TMC1: variants seen among roughly 807,000 people sequenced by gnomAD.
TMC1 encodes transmembrane channel-like protein 1.
TMC1 carries 84 observed loss-of-function variants against 105.8 expected under a neutral mutation model. That is an observed-to-expected ratio of 0.79 (90% CI 0.67 to 0.95). The LOEUF (loss-of-function observed/expected upper bound fraction) is 0.95, where lower values mean the gene tolerates loss of function less well. Ranked by LOEUF, TMC1 falls within the 40% of genes least tolerant of loss-of-function variation. The pLI is 0.00. For missense variants in TMC1, 817 were observed against 914.1 expected, an observed-to-expected ratio of 0.89 and a Z score of 1.37; for synonymous variants, 315 against 311.5, an observed-to-expected ratio of 1.01 and a Z score of -0.12.
At chr9:72,601,183 C>CACAG (rs1356282468) in intron 2 of TMC1, among the ~76,000 whole-genome samples, 1 of 124,076 alleles carries the variant, frequency 8.1e-6, no homozygotes, top group African/African-American at 3.4e-5. Context: ...CACACACACA[C>CACAG]ACACACACAC....
intron 8 of TMC1, among the ~76,000 whole-genome samples, chr9:72,724,715 A>G (rs889339778): frequency 2.6e-4 from 39 of 152,176 alleles, no homozygotes; most frequent in African/African-American, 9.4e-4. Flanking sequence ...AACATATTAT[A>G]TATAGTAAGA....
chr9:72,772,718 A>G (rs891002224), intron 13 of TMC1, among the ~76,000 whole-genome samples, 163 bp downstream of exon 13: 4 of 152,206 alleles, frequency 2.6e-5, no homozygotes, highest in African/African-American at 9.7e-5. Flanking sequence ...ATGTTAGACT[A>G]TTACATCTTC....
intron 1 of TMC1, among the ~76,000 whole-genome samples, chr9:72,542,893 C>T (rs1823702182): frequency 1.3e-5 from 2 of 151,802 alleles, no homozygotes; most frequent in Non-Finnish European, 2.9e-5. Flanking sequence ...CTTGGCCAGG[C>T]TGGTCTCGAA....
intron 4 of TMC1, among the ~76,000 whole-genome samples, chr9:72,630,229 A>G (rs1825425924): frequency 6.6e-6 from 1 of 152,188 alleles, no homozygotes; most frequent in African/African-American, 2.4e-5. Context: ...GAAGAAATGT[A>G]ATTAGTACAC....
chr9:72,726,509 G>A (rs891044035), intron 8 of TMC1, among the ~76,000 whole-genome samples: 8 of 152,276 alleles, frequency 5.3e-5, no homozygotes, highest in African/African-American at 1.9e-4. Flanking sequence ...AGTTCACATA[G>A]GAAGATGGTG....
chr9:72,820,854 C>G lies in TMC1; in HGVS notation c.1776C>G (p.Phe592Leu). ...FNQGMIWMGSFFAPSLPGINI... is the reference protein window; with the variant it reads ...FNQGMIWMGSLFAPSLPGINI... Reference sequence around the variant, plus strand: ...GTTTTCTTTCTAGGATGGGCTCCTTCTTTGCTCCCAGCCTCCCAGGCATCA... The same window carrying G: ...GTTTTCTTTCTAGGATGGGCTCCTTGTTTGCTCCCAGCCTCCCAGGCATCA... Residue 592 changes from phenylalanine (F) to leucine (L), a missense_variant, in exon 20 of 24, where the codon TTC becomes TTG. Phe to Leu is a conservative substitution (Grantham distance 22). Coordinates refer to ENST00000297784, the MANE Select transcript of TMC1 (RefSeq NM_138691.3). The G allele has an allele frequency of 6.2e-7, 1 of 1,614,188 alleles. No individual in the cohort carries two copies. The highest frequency in any genetic ancestry group is 8.5e-7 in the Non-Finnish European group (1 of 1,180,032).
chr9:72,814,896 TTGTGTGTGTGTGTGTGTGTGTG>T (rs57564294), intron 18 of TMC1, among the ~76,000 whole-genome samples: 3 of 119,172 alleles, frequency 2.5e-5, no homozygotes, highest in Admixed American at 1.8e-4. Flanking sequence ...TGGATCATCT[TTGTGTGTGTGTGTGTGTGTGTG>T]TGTGTGTGTG....
chr9:72,594,189 C>G (rs555563310), intron 2 of TMC1, among the ~76,000 whole-genome samples: 1 of 152,144 alleles, frequency 6.6e-6, no homozygotes, highest in Admixed American at 6.6e-5. Flanking sequence ...CCTCATGAGA[C>G]AGCAGAAGAC....
chr9:72,657,140 A>G (rs1489909363), intron 5 of TMC1, among the ~76,000 whole-genome samples: 3 of 152,306 alleles, frequency 2.0e-5, no homozygotes, highest in African/African-American at 2.4e-5. Flanking sequence ...CTGTTATTCT[A>G]TCCCACAAAT....
chr9:72,547,012 C>T (rs1823779916), intron 1 of TMC1, among the ~76,000 whole-genome samples: 2 of 152,214 alleles, frequency 1.3e-5, no homozygotes, highest in South Asian at 2.1e-4. Flanking sequence ...AAAGGCCAGG[C>T]GCGATGGCTC....
intron 3 of TMC1, among the ~76,000 whole-genome samples, chr9:72,623,051 C>CAAAA (rs10644935): frequency 4.2e-4 from 54 of 129,292 alleles, no homozygotes; most frequent in African/African-American, 1.0e-3. Context: ...GACTCCATCT[C>CAAAA]AAAAAAAAAA....
At chr9:72,811,146 TAAG>T (rs1828696719) in intron 18 of TMC1, among the ~76,000 whole-genome samples, 1 of 152,090 alleles carries the variant, frequency 6.6e-6, no homozygotes, top group South Asian at 2.1e-4. Flanking sequence ...CAGAGAATAA[TAAG>T]GACAATGAAG....
intron 8 of TMC1, 138 bp from the exon 9 acceptor site, chr9:72,739,981 A>G: frequency 3.1e-6 from 2 of 651,552 alleles, no homozygotes; most frequent in Non-Finnish European, 5.3e-6. Context: ...AGGTTATGAA[A>G]TACAGTCTAG....
intron 1 of TMC1, among the ~76,000 whole-genome samples, chr9:72,537,667 C>T (rs1019398566): frequency 1.3e-5 from 2 of 152,144 alleles, no homozygotes; most frequent in Admixed American, 1.3e-4. Flanking sequence ...TGGTTTTATA[C>T]ATTTTAGGGA....
At chr9:72,685,258 C>G (rs960577099) in intron 5 of TMC1, among the ~76,000 whole-genome samples, 3 of 151,544 alleles carry the variant, frequency 2.0e-5, no homozygotes, top group African/African-American at 7.3e-5. Context: ...AGGCGCCCAC[C>G]ACCACACCCG....
chr9:72,709,815 T>G (rs965574802), intron 8 of TMC1, among the ~76,000 whole-genome samples: 1 of 152,142 alleles, frequency 6.6e-6, no homozygotes, highest in Non-Finnish European at 1.5e-5. Flanking sequence ...AGAACCAGCT[T>G]TTTGTTCAAT....
At chr9:72,678,169 T>C (rs1826232293) in intron 5 of TMC1, among the ~76,000 whole-genome samples, 1 of 152,154 alleles carries the variant, frequency 6.6e-6, no homozygotes, top group Non-Finnish European at 1.5e-5. Context: ...GACTAGAATT[T>C]AAATCTTGGT....
At chr9:72,706,678 G>A (rs1007125431) in intron 8 of TMC1, among the ~76,000 whole-genome samples, 3 of 151,988 alleles carry the variant, frequency 2.0e-5, no homozygotes, top group Non-Finnish European at 4.4e-5. Flanking sequence ...ATGATATTTG[G>A]TTTTCCATTC....
At chr9:72,522,292 G>A (rs1334753897) in intron 1 of TMC1, among the ~76,000 whole-genome samples, 1 of 152,028 alleles carries the variant, frequency 6.6e-6, no homozygotes, top group Admixed American at 6.6e-5. Context: ...TAGTAGAGAC[G>A]GGGTTTCGCC....
Sources: gnomAD v4.1 joint callset for allele counts (sites outside exome capture counted in the v4.1 genomes callset) on GRCh38, gnomAD v4.1.1 for gene constraint, MANE v1.5 for transcripts, NCBI Gene and HGNC (gene_info 2026-07-23, HGNC 2026-07-21) for gene names.